Variants in TOX observed in about 807,000 individuals in gnomAD.
The protein encoded by TOX is thymocyte selection associated high mobility group box, also known as thymocyte selection-associated high mobility group box protein TOX.
TOX carries 11 observed loss-of-function variants against 53.7 expected under a neutral mutation model. That is an observed-to-expected ratio of 0.20 (90% confidence interval 0.13 to 0.34). The LOEUF (loss-of-function observed/expected upper bound fraction) is 0.34, where lower values mean the gene tolerates loss of function less well. TOX is among the 10% of genes least tolerant of loss of function. TOX has a pLI of 1.00. For synonymous variants in TOX, 225 were observed against 245.3 expected, an observed-to-expected ratio of 0.92 and a Z score of 0.77; for missense variants, 570 against 664.6, an observed-to-expected ratio of 0.86 and a Z score of 1.56.
At chr8:59,043,362 G>C (rs1202679410) in intron 1 of TOX, among the ~76,000 whole-genome samples, 2 of 151,112 alleles carry the variant, frequency 1.3e-5, no homozygotes, top group Non-Finnish European at 3.0e-5. Flanking sequence ...AATTATGTTT[G>C]AATGTTTATT....
intron 3 of TOX, among the ~76,000 whole-genome samples, chr8:58,925,743 A>C (rs1168527934): frequency 6.6e-6 from 1 of 152,162 alleles, no homozygotes; most frequent in African/African-American, 2.4e-5. Flanking sequence ...CCATTATACC[A>C]ATAAAAAATA....
chr8:58,914,149 A>G (rs1032604306), intron 3 of TOX, among the ~76,000 whole-genome samples: 2 of 152,260 alleles, frequency 1.3e-5, no homozygotes, highest in African/African-American at 4.8e-5. Context: ...TTTATCCAGA[A>G]GCAGTGAAGT....
chr8:58,915,008 G>T (rs1174438390), intron 3 of TOX, among the ~76,000 whole-genome samples: 2 of 150,988 alleles, frequency 1.3e-5, no homozygotes, highest in Non-Finnish European at 3.0e-5. Flanking sequence ...TTAAAAAACG[G>T]CGCACCACGA....
At chr8:59,047,203 G>GTTTTTTTT (rs10551461) in intron 1 of TOX, among the ~76,000 whole-genome samples, 8 of 44,684 alleles carry the variant, frequency 1.8e-4, no homozygotes, top group Admixed American at 3.5e-4. Flanking sequence ...ACCAAGAATT[G>GTTTTTTTT]TTTTTTTTTT....
intron 5 of TOX, among the ~76,000 whole-genome samples, chr8:58,837,831 T>C (rs1473825782): frequency 6.6e-6 from 1 of 152,170 alleles, no homozygotes; most frequent in Non-Finnish European, 1.5e-5. Context: ...GTCTGAGATA[T>C]GTAAAAGTGC....
intron 4 of TOX, 93 bp from the exon 5 acceptor site, chr8:58,838,404 C>T: frequency 1.1e-6 from 1 of 936,690 alleles, no homozygotes; most frequent in Non-Finnish European, 1.6e-6. Flanking sequence ...AGACACATAC[C>T]CATTCACATC....
intron 1 of TOX, among the ~76,000 whole-genome samples, chr8:59,063,383 C>T (rs1300332340): frequency 1.3e-5 from 2 of 151,040 alleles, no homozygotes; most frequent in Non-Finnish European, 2.9e-5. Context: ...TGAACGATGG[C>T]CAGAGAGTTC....
At chr8:58,993,005 C>T (rs535421222) in intron 1 of TOX, 12 of 152,176 alleles carry the variant, frequency 7.9e-5, no homozygotes, top group Non-Finnish European at 1.5e-4. Flanking sequence ...GACCCATGTC[C>T]AGTAATGGCT....
chr8:59,038,749 C>G (rs1292234463), intron 1 of TOX, among the ~76,000 whole-genome samples: 5 of 152,224 alleles, frequency 3.3e-5, no homozygotes, highest in African/African-American at 1.2e-4. Flanking sequence ...ACTACCCCCA[C>G]AGCACTGGCT....
At chr8:59,025,634 C>G (rs1814221152) in intron 1 of TOX, among the ~76,000 whole-genome samples, 1 of 152,168 alleles carries the variant, frequency 6.6e-6, no homozygotes, top group African/African-American at 2.4e-5. Context: ...CTTCCCACCT[C>G]TCTGCCTTCT....
At chr8:58,947,116 C>A (rs1812535058) in intron 2 of TOX, among the ~76,000 whole-genome samples, 1 of 152,066 alleles carries the variant, frequency 6.6e-6, no homozygotes, top group Non-Finnish European at 1.5e-5. Context: ...AGCTTTTTAA[C>A]CATGCTATTC....
intron 1 of TOX, among the ~76,000 whole-genome samples, chr8:59,098,978 T>G (rs1489767679): frequency 6.6e-6 from 1 of 152,350 alleles, no homozygotes; most frequent in Admixed American, 6.5e-5. Flanking sequence ...GCTGCAATCA[T>G]GTTCAATGTC....
At chr8:59,050,551 T>C (rs1803771635) in intron 1 of TOX, among the ~76,000 whole-genome samples, 1 of 152,162 alleles carries the variant, frequency 6.6e-6, no homozygotes, top group Admixed American at 6.5e-5. Flanking sequence ...ATAATGTTAA[T>C]ACTAGTTTTA....
At chr8:59,073,565 TG>T (rs1184581308) in intron 1 of TOX, among the ~76,000 whole-genome samples, 4 of 152,158 alleles carry the variant, frequency 2.6e-5, no homozygotes, top group Non-Finnish European at 4.4e-5. Context: ...TTTTTAATCT[TG>T]TTTTTTTGTT....
chr8:59,088,727 A>G (rs1157089349), intron 1 of TOX, among the ~76,000 whole-genome samples: 2 of 152,238 alleles, frequency 1.3e-5, no homozygotes, highest in Non-Finnish European at 2.9e-5. Flanking sequence ...GATCATTCCC[A>G]TATTTGGCAA....
intron 3 of TOX, among the ~76,000 whole-genome samples, chr8:58,934,597 A>T (rs994180725): frequency 6.6e-5 from 10 of 152,198 alleles, no homozygotes; most frequent in Admixed American, 2.6e-4. Flanking sequence ...CATCAATTTG[A>T]ATCACAATGA....
Position 58,815,415 on chromosome 8 carries a change from G to A in TOX, c.1315C>T (p.Leu439Phe). 1.2e-6 allele frequency: 2 copies of A among 1,614,058 alleles called. No homozygotes were observed. The highest frequency in any genetic ancestry group is 1.7e-4 in the Middle Eastern group (1 of 6,052). ...TTCCCAAGGGGCTGCTGCATGGTGA[G>A]CGGCTGGTGCTGCTGCATGTTGAGA... ...QHLNMQQHQP[L>F]TMQQPLGNQL... The change falls in exon 7 of 9, where the codon CTC (leucine) becomes TTC (phenylalanine). Residue 439 changes from leucine to phenylalanine, a missense_variant. Transcript: ENST00000361421.
At chr8:58,871,493 C>T (rs1454839772) in intron 3 of TOX, among the ~76,000 whole-genome samples, 1 of 152,080 alleles carries the variant, frequency 6.6e-6, no homozygotes, top group African/African-American at 2.4e-5. Flanking sequence ...ACATATGAAA[C>T]AACCTCATTG....
intron 1 of TOX, among the ~76,000 whole-genome samples, chr8:59,015,668 T>C (rs924459295): frequency 6.6e-6 from 1 of 152,184 alleles, no homozygotes. Flanking sequence ...TTGGTTTGCT[T>C]TGCTTGATAC....
Sources: gnomAD v4.1 joint callset for allele counts (sites outside exome capture counted in the v4.1 genomes callset) on GRCh38, gnomAD v4.1.1 for gene constraint, MANE v1.5 for transcripts, NCBI Gene and HGNC (gene_info 2026-07-23, HGNC 2026-07-21) for gene names.